CDH4: variants seen among roughly 807,000 people sequenced by gnomAD.
The protein encoded by CDH4 is cadherin-4.
A neutral mutation model predicts 86.0 loss-of-function variants in CDH4; 33 were observed. The observed-to-expected ratio is 0.38, with a 90% CI of 0.29 to 0.51. The LOEUF (loss-of-function observed/expected upper bound fraction) is 0.51. Among genes scored for constraint, CDH4 ranks in the 20% least tolerant of loss-of-function variants. The pLI is 0.86. For synonymous variants in CDH4, 555 were observed against 549.4 expected (o/e 1.01, Z -0.14); for missense variants, 1,114 against 1,307.4 (o/e 0.85, Z 2.28).
At chr20:61,295,211 A>G (rs905032872) in intron 2 of CDH4, among the ~76,000 whole-genome samples, 3 of 152,242 alleles carry the variant, frequency 2.0e-5, no homozygotes, top group Non-Finnish European at 4.4e-5. Context: ...CACTTAAAGC[A>G]CTGTCCCTGT....
intron 2 of CDH4, among the ~76,000 whole-genome samples, chr20:61,396,473 G>A (rs76654928): frequency 0.019 from 2,895 of 152,276 alleles, 97 homozygotes; most frequent in African/African-American, 0.065. Context: ...TGCGTTCTGC[G>A]CATAGACCAC....
At chr20:61,857,890 T>C (rs142526512) in intron 6 of CDH4, among the ~76,000 whole-genome samples, 81 of 152,244 alleles carry the variant, frequency 5.3e-4, no homozygotes, top group African/African-American at 1.9e-3. Context: ...TGTCTGTGTG[T>C]GTGTGTGTCT....
intron 2 of CDH4, among the ~76,000 whole-genome samples, chr20:61,557,724 C>T (rs1018540105): frequency 3.9e-5 from 6 of 152,266 alleles, no homozygotes; most frequent in East Asian, 3.9e-4. Context: ...AACCACGGAG[C>T]GCCTCTTGAG....
At chr20:61,319,192 A>G (rs2084494544) in intron 2 of CDH4, among the ~76,000 whole-genome samples, 1 of 144,364 alleles carries the variant, frequency 6.9e-6, no homozygotes, top group Non-Finnish European at 1.6e-5. Flanking sequence ...ACATGTTATA[A>G]TAAATATTAT....
At chr20:61,309,626 TC>T (rs1345376991) in intron 2 of CDH4, among the ~76,000 whole-genome samples, 1 of 152,190 alleles carries the variant, frequency 6.6e-6, no homozygotes, top group Non-Finnish European at 1.5e-5. Context: ...TTGAAAAGTT[TC>T]CCCAAGTGGT....
intron 2 of CDH4, among the ~76,000 whole-genome samples, chr20:61,661,093 G>GGGGGGC (rs907816921): frequency 0.017 from 1,754 of 101,364 alleles, 144 homozygotes; most frequent in Non-Finnish European, 0.03. Flanking sequence ...GCGGGGGGGG[G>GGGGGGC]GGAGACACAG....
At position 61,911,408 on chromosome 20, in the gene CDH4, G is replaced by A. The variant is rs1476496469; in HGVS notation, c.1374+801G>A. The stretch of plus-strand genomic sequence containing the variant: ...TCATAATTCATATTCCCCTGGAAGG[G>A]CAGATTGGGAATTATATCATAACAC... On this transcript the variant is annotated intron_variant, in intron 9 of 15. Coordinates refer to ENST00000614565, the MANE Select transcript of CDH4 (RefSeq NM_001794.5). 2.6e-5 allele frequency among the ~76,000 whole-genome samples: 4 copies of A among 152,166 alleles called. No homozygotes were observed. The East Asian group carries it at 7.7e-4, about 29-fold the overall frequency.
chr20:61,722,039 A>G (rs887240872), intron 2 of CDH4, among the ~76,000 whole-genome samples: 4 of 152,186 alleles, frequency 2.6e-5, no homozygotes, highest in Non-Finnish European at 5.9e-5. Flanking sequence ...TCACCGTCCA[A>G]TGTGAGAGAA....
intron 2 of CDH4, among the ~76,000 whole-genome samples, chr20:61,504,683 A>G (rs1364822369): frequency 6.6e-6 from 1 of 152,202 alleles, no homozygotes; most frequent in African/African-American, 2.4e-5. Context: ...TGTCAGGCAC[A>G]ATCTGGACGT....
At chr20:61,929,235 T>C (rs1042620302) in intron 12 of CDH4, among the ~76,000 whole-genome samples, 3 of 152,030 alleles carry the variant, frequency 2.0e-5, no homozygotes, top group Admixed American at 1.3e-4. Context: ...CCTCCCAGGT[T>C]CAAGCAATTC....
At chr20:61,856,653 G>A (rs946755508) in intron 6 of CDH4, among the ~76,000 whole-genome samples, 27 of 149,526 alleles carry the variant, frequency 1.8e-4, no homozygotes, top group African/African-American at 5.6e-4. Context: ...TAGAATCCAC[G>A]AGGGTCCTGT....
At position 61,623,206 on chromosome 20, in the gene CDH4, G is replaced by T. The variant is rs1008094191; in HGVS notation, c.170-120357G>T. On this transcript the variant is annotated intron_variant, in intron 2 of 15. Coordinates refer to ENST00000614565, the MANE Select transcript of CDH4 (RefSeq NM_001794.5). The surrounding 1 kb of genome is among the most constrained non-coding windows in gnomAD (Gnocchi z 4.4). ...AATCTCGACCCTGCCTATGCCAGCCGCTGGCTCACCCCACCTGCCACGCTG... is the reference window on the plus strand; with the variant it reads ...AATCTCGACCCTGCCTATGCCAGCCTCTGGCTCACCCCACCTGCCACGCTG... 6.6e-6 allele frequency among the ~76,000 whole-genome samples: 1 copy of T among 152,086 alleles called. No individual in the cohort carries two copies. The highest frequency in any genetic ancestry group is 1.5e-5 in the Non-Finnish European group (1 of 68,012).
chr20:61,710,896 C>T lies in CDH4; in HGVS notation c.170-32667C>T, dbSNP rs2087884177. ...AGCGCGCCTGCCGGGGAGAGTGCAC[C>T]AGATTCCTGTCACTGCTCTAACAAA... is the stretch of plus-strand genomic sequence containing the variant. On this transcript the variant is annotated intron_variant, in intron 2 of 15. Transcript: ENST00000614565. Among the ~76,000 whole-genome samples, 3 of 152,194 alleles carry T rather than the reference C, an allele frequency of 2.0e-5. 1 individual carries two copies. In the South Asian group the frequency reaches 6.2e-4, roughly 32 times the overall value.
At chr20:61,844,535 C>G in intron 4 of CDH4, 133 bp from the exon 5 acceptor site, 3 of 792,726 alleles carry the variant, frequency 3.8e-6, no homozygotes, top group Non-Finnish European at 5.8e-6. Flanking sequence ...GATGAAAGAT[C>G]AGCTGTGGTC....
At chr20:61,618,547 T>C (rs2086744388) in intron 2 of CDH4, among the ~76,000 whole-genome samples, 1 of 152,134 alleles carries the variant, frequency 6.6e-6, no homozygotes. Context: ...GACCCCGGCC[T>C]GTGTGCTCAG....
rs149135967 is a variant in CDH4 at position 61,522,940 on chromosome 20, C to T, written c.170-220623C>T. Among the ~76,000 whole-genome samples, 207 of 152,350 alleles carry T rather than the reference C, an allele frequency of 1.4e-3. 1 individual carries two copies. The highest frequency in any genetic ancestry group is 4.7e-3 in the African/African-American group (194 of 41,580). On this transcript the variant is annotated intron_variant, in intron 2 of 15. Coordinates refer to ENST00000614565, the MANE Select transcript of CDH4 (RefSeq NM_001794.5). ...GGGAAAGCACACAAAGCTGCCGACACGCAGGTGCATCTGGCAGTGCCCTGG... is the reference window on the plus strand; with the variant it reads ...GGGAAAGCACACAAAGCTGCCGACATGCAGGTGCATCTGGCAGTGCCCTGG...
intron 8 of CDH4, among the ~76,000 whole-genome samples, chr20:61,900,345 A>G (rs13037572): frequency 0.049 from 7,395 of 151,784 alleles, 205 homozygotes; most frequent in Non-Finnish European, 0.063. Context: ...TCGGCCGCAC[A>G]GTGCAAGCCT....
Position 61,703,982 on chromosome 20 carries a change from C to T in CDH4, c.170-39581C>T, listed in dbSNP as rs2087803576. On this transcript the variant is annotated intron_variant, in intron 2 of 15. Coordinates refer to ENST00000614565, the MANE Select transcript of CDH4 (RefSeq NM_001794.5). The surrounding 1 kb of genome is among the most constrained non-coding windows in gnomAD (Gnocchi z 4.3). ...TGGGATGAGGGTGGCAGAGTCACAG[C>T]CGCTGGGAGTGGCCGGGCAGGTGGC... Among the ~76,000 whole-genome samples the T allele has an allele frequency of 6.6e-6, 1 of 152,082 alleles. No individual in the cohort carries two copies. The highest frequency in any genetic ancestry group is 2.1e-4 in the South Asian group (1 of 4,814).
intron 2 of CDH4, among the ~76,000 whole-genome samples, chr20:61,274,804 G>GAGTACCATGTGCAGTTTGGGGA (rs2084217207): frequency 6.8e-6 from 1 of 147,060 alleles, no homozygotes; most frequent in African/African-American, 2.5e-5. Flanking sequence ...CAGTTTGGGG[G>GAGTACCATGTGCAGTTTGGGGA]AGTACCATGT....
Sources: gnomAD v4.1 joint callset for allele counts (sites outside exome capture counted in the v4.1 genomes callset) on GRCh38, gnomAD v4.1.1 for gene constraint, Gnocchi (gnomAD v3.1) non-coding constraint, MANE v1.5 for transcripts, NCBI Gene and HGNC (gene_info 2026-07-23, HGNC 2026-07-21) for gene names.